ZBTB46: variants seen among roughly 807,000 people sequenced by gnomAD.
ZBTB46 encodes zinc finger and BTB domain containing 46.
A neutral mutation model predicts 44.1 loss-of-function variants in ZBTB46; 8 were observed. That is an observed-to-expected ratio of 0.18 (90% CI 0.11 to 0.33). ZBTB46 has a LOEUF of 0.33. ZBTB46 is among the 10% of genes least tolerant of loss of function. The pLI is 1.00. For missense variants in ZBTB46, 651 were observed against 847.7 expected, an observed-to-expected ratio of 0.77 and a Z score of 2.88; for synonymous variants, 409 against 382.3, an observed-to-expected ratio of 1.07 and a Z score of -0.81.
At chr20:63,802,884 C>T (rs1054393034) in intron 1 of ZBTB46, among the ~76,000 whole-genome samples, 8 of 152,160 alleles carry the variant, frequency 5.3e-5, no homozygotes, top group African/African-American at 1.7e-4. Flanking sequence ...CCAGGAACCG[C>T]GGCGGGCTGA....
chr20:63,782,204 AGCCGTGGTTTT>A (rs948647039), intron 2 of ZBTB46, among the ~76,000 whole-genome samples: 2 of 150,500 alleles, frequency 1.3e-5, no homozygotes, highest in Non-Finnish European at 3.0e-5. Context: ...GCAACCCCCG[AGCCGTGGTTTT>A]GCCACCTTGT....
At chr20:63,749,554 T>C (rs1320984089) in intron 4 of ZBTB46, among the ~76,000 whole-genome samples, 1 of 152,206 alleles carries the variant, frequency 6.6e-6, no homozygotes, top group Non-Finnish European at 1.5e-5. Context: ...GCCAGGATGG[T>C]CTCGATCTCC....
Position 63,747,043 on chromosome 20 carries a change from C to T in ZBTB46, c.1657G>A (p.Glu553Lys), listed in dbSNP as rs1193979001. The T allele has an allele frequency of 2.2e-5, 35 of 1,608,118 alleles. No individual in the cohort carries two copies. The highest frequency in any genetic ancestry group is 2.2e-5 in the East Asian group (1 of 44,814). Residue 553 changes from glutamate (E) to lysine (K), a missense_variant, in exon 5 of 5, where the codon GAG becomes AAG. Coordinates refer to ENST00000245663, the MANE Select transcript of ZBTB46 (RefSeq NM_001369741.1). ...AGCGCATCCTCAGGGGCCAGGCCCT[C>T]GTCGTCCTCGCCCAGCTCCTCCGCC... ...GEAEELGEDD[E>K]GLAPEDALLA...
rs761155262 is a variant in ZBTB46 at position 63,752,767 on chromosome 20, C to T, written c.1317G>A (p.Ser439=). The T allele has an allele frequency of 6.2e-7, 1 of 1,612,784 alleles. No individual in the cohort carries two copies. The highest frequency in any genetic ancestry group is 8.5e-7 in the Non-Finnish European group (1 of 1,179,556). The change falls in exon 4 of 5, where the codon TCG becomes TCA. Residue 439 remains serine, a synonymous_variant. Transcript: ENST00000245663. This position sits in a 1 kb window ranked among gnomAD's most constrained non-coding sequence, Gnocchi z 5.6. ...HQCILKRHMR[S]HTGERPYPCE... ...AGGGGTAGGGCCGCTCTCCCGTGTG[C>T]GAGCGCATGTGTCGCTTGAGGATGC...
At chr20:63,819,208 A>G (rs930699341) in intron 1 of ZBTB46, among the ~76,000 whole-genome samples, 9 of 152,194 alleles carry the variant, frequency 5.9e-5, no homozygotes, top group Admixed American at 2.6e-4. Context: ...CCAACTCATG[A>G]CTTCCTGGAT....
At chr20:63,786,228 T>C in intron 2 of ZBTB46, among the ~76,000 whole-genome samples, 1 of 152,204 alleles carries the variant, frequency 6.6e-6, no homozygotes, top group East Asian at 1.9e-4. Context: ...TTATAAACAG[T>C]TACAAGCAGA....
intron 1 of ZBTB46, among the ~76,000 whole-genome samples, chr20:63,795,946 G>A (rs913575494): frequency 6.6e-6 from 1 of 152,182 alleles, no homozygotes; most frequent in Non-Finnish European, 1.5e-5. Context: ...GAGCGCCTTT[G>A]AAGACTGTAA....
At chr20:63,800,044 A>G (rs963858844) in intron 1 of ZBTB46, among the ~76,000 whole-genome samples, 11 of 152,134 alleles carry the variant, frequency 7.2e-5, no homozygotes, top group Non-Finnish European at 1.6e-4. Flanking sequence ...CGAATGTCCA[A>G]ATGTGCATCA....
At chr20:63,826,597 C>T (rs1431498980) in intron 1 of ZBTB46, among the ~76,000 whole-genome samples, 7 of 151,666 alleles carry the variant, frequency 4.6e-5, no homozygotes, top group East Asian at 3.9e-4. Context: ...TGTTGGCAGA[C>T]GCCTGTAGTC....
At chr20:63,810,861 G>C (rs1004005751) in intron 1 of ZBTB46, among the ~76,000 whole-genome samples, 5 of 152,242 alleles carry the variant, frequency 3.3e-5, no homozygotes, top group African/African-American at 1.2e-4. Context: ...AACAGAGCGC[G>C]AACATGAGAG....
At chr20:63,829,467 C>T (rs2092836590) in intron 1 of ZBTB46, among the ~76,000 whole-genome samples, 1 of 152,258 alleles carries the variant, frequency 6.6e-6, no homozygotes, top group African/African-American at 2.4e-5. Flanking sequence ...TTCCACGCCC[C>T]AAGGAGAAAT....
chr20:63,783,914 G>A (rs562699119), intron 2 of ZBTB46, among the ~76,000 whole-genome samples: 46 of 152,280 alleles, frequency 3.0e-4, no homozygotes, highest in African/African-American at 1.1e-3. Context: ...TTCAGGAGGC[G>A]AAACATTGTT....
At chr20:63,786,698 G>T (rs946541067) in intron 2 of ZBTB46, among the ~76,000 whole-genome samples, 1 of 152,108 alleles carries the variant, frequency 6.6e-6, no homozygotes, top group South Asian at 2.1e-4. Context: ...ATTTAGTAGA[G>T]ACGGGGTTTC....
At chr20:63,811,764 G>A (rs768569346) in intron 1 of ZBTB46, among the ~76,000 whole-genome samples, 2 of 152,180 alleles carry the variant, frequency 1.3e-5, no homozygotes, top group Non-Finnish European at 2.9e-5. Context: ...AGGACTCACT[G>A]GGCAGGTGAG....
intron 1 of ZBTB46, among the ~76,000 whole-genome samples, chr20:63,823,519 AG>A (rs1455784975): frequency 2.7e-5 from 4 of 148,764 alleles, no homozygotes; most frequent in Non-Finnish European, 6.0e-5. Flanking sequence ...TAAATAAATA[AG>A]ATAAAATAAA....
At chr20:63,823,888 G>GTGTGTGTGTGTGTGTGTGTGTGTGTGTGT (rs1414023978) in intron 1 of ZBTB46, among the ~76,000 whole-genome samples, 3 of 151,668 alleles carry the variant, frequency 2.0e-5, no homozygotes, top group African/African-American at 7.3e-5. Context: ...GTGTGTGTGT[G>GTGTGTGTGTGTGTGTGTGTGTGTGTGTGT]TTCTTTGGGA....
rs1555851217 is a variant in ZBTB46 at position 63,798,685 on chromosome 20, A to AAAC, written c.-33-7896_-33-7895insGTT. On this transcript the variant is annotated intron_variant, in intron 1 of 4. Transcript: ENST00000245663. ...GCTAGACTCTGTCTCAAAAAAAAAA[A>AAAC]AAAAAAAATTAGCTGGGCATGGTAG... Among the ~76,000 whole-genome samples the AAAC allele has an allele frequency of 7.0e-5, 9 of 127,888 alleles. 2 individuals carry two copies. Among genetic ancestry groups the AAAC allele is most frequent in the African/African-American group, 2.9e-4 (9 of 31,214 alleles). 83.9% of individuals were successfully genotyped at this position (127,888 alleles called of 152,430 possible). A position where few individuals can be genotyped will look rare whatever the true frequency, so the allele number is the denominator to read the frequency against.
At chr20:63,825,465 G>C (rs6011169) in intron 1 of ZBTB46, among the ~76,000 whole-genome samples, 24,920 of 88,956 alleles carry the variant, frequency 0.28, 2,777 homozygotes, top group East Asian at 0.54. Context: ...CCTCCCTCCC[G>C]GCTTCCCAGG....
chr20:63,760,024 T>TGA (rs2092259882), intron 3 of ZBTB46, among the ~76,000 whole-genome samples: 2 of 152,214 alleles, frequency 1.3e-5, no homozygotes, highest in East Asian at 3.8e-4. Flanking sequence ...TCTGTCTCAC[T>TGA]GGATTCAATT....
Sources: gnomAD v4.1 joint callset for allele counts (sites outside exome capture counted in the v4.1 genomes callset) on GRCh38, gnomAD v4.1.1 for gene constraint, Gnocchi (gnomAD v3.1) non-coding constraint, MANE v1.5 for transcripts, NCBI Gene and HGNC (gene_info 2026-07-23, HGNC 2026-07-21) for gene names.